GAS2: variants seen among roughly 807,000 people sequenced by gnomAD.
GAS2 encodes the protein growth arrest-specific protein 2.
A neutral mutation model predicts 37.5 loss-of-function variants in GAS2; 20 were observed. That is an observed-to-expected ratio of 0.53 (90% CI 0.37 to 0.77). GAS2 has a LOEUF of 0.77. Among genes scored for constraint, GAS2 ranks in the 30% least tolerant of loss-of-function variants. The pLI, the probability that GAS2 is intolerant of heterozygous loss-of-function variation, is 0.00. For missense variants in GAS2, 336 were observed against 373.4 expected, an observed-to-expected ratio of 0.90 and a Z score of 0.82; for synonymous variants, 144 against 132.2, an observed-to-expected ratio of 1.09 and a Z score of -0.61.
chr11:22,675,088 C>A, intron 2 of GAS2, 74 bp downstream of exon 2: 1 of 1,436,922 alleles, frequency 7.0e-7, no homozygotes, highest in Non-Finnish European at 9.5e-7. Flanking sequence ...TAGTGTCCTT[C>A]ACCTAAGCAT....
intron 4 of GAS2, among the ~76,000 whole-genome samples, chr11:22,730,246 A>G (rs1852407493): frequency 6.6e-6 from 1 of 151,894 alleles, no homozygotes; most frequent in South Asian, 2.1e-4. Flanking sequence ...TTCTTCAATT[A>G]TCTATTAACA....
chr11:22,774,253 C>A (rs1855139225), intron 7 of GAS2, among the ~76,000 whole-genome samples: 1 of 152,202 alleles, frequency 6.6e-6, no homozygotes, highest in Non-Finnish European at 1.5e-5. Context: ...CTCAGCCTCC[C>A]AAAGTCCTGG....
intron 7 of GAS2, among the ~76,000 whole-genome samples, chr11:22,785,944 C>T (rs1450205465): frequency 1.3e-5 from 2 of 152,092 alleles, no homozygotes; most frequent in Non-Finnish European, 2.9e-5. Flanking sequence ...TTATCTGAAA[C>T]AGTTTCTGAA....
chr11:22,731,433 A>T lies in GAS2; in HGVS notation c.409+5000A>T, dbSNP rs113114345. On this transcript the variant is annotated intron_variant, in intron 4 of 7. Coordinates refer to ENST00000454584, the MANE Select transcript of GAS2 (RefSeq NM_001143830.3). ...GCGGTGTAGCATGCAAATGTGTGTG[A>T]TTTGTTTGAGTATAACTTTTAAAAA... 182 of 387,256 alleles carry T rather than the reference A, an allele frequency of 4.7e-4. 2 individuals carry two copies. Among genetic ancestry groups the T allele is most frequent in the African/African-American group, 3.1e-3 (143 of 46,878 alleles). 24.0% of individuals were successfully genotyped at this position (387,256 alleles called of 1,614,324 possible). A position where few individuals can be genotyped will look rare whatever the true frequency, so the allele number is the denominator to read the frequency against.
chr11:22,687,294 T>G (rs189054015), intron 3 of GAS2, among the ~76,000 whole-genome samples: 145 of 152,152 alleles, frequency 9.5e-4, no homozygotes, highest in African/African-American at 3.3e-3. Context: ...AACACTGCAC[T>G]CCAGCCTAGA....
chr11:22,728,573 T>G (rs1394907702), intron 4 of GAS2, among the ~76,000 whole-genome samples: 2 of 151,268 alleles, frequency 1.3e-5, no homozygotes, highest in Non-Finnish European at 1.5e-5. Flanking sequence ...TTGTACAAAT[T>G]TTTAAGTCTA....
At chr11:22,671,988 GA>G (rs5790275) in intron 1 of GAS2, among the ~76,000 whole-genome samples, 94,943 of 151,836 alleles carry the variant, frequency 0.63, 30,879 homozygotes, top group East Asian at 0.82. Context: ...TTTGAAATGT[GA>G]AAAAAAGGAT....
chr11:22,718,290 G>T (rs1032702949), intron 3 of GAS2, among the ~76,000 whole-genome samples: 2 of 151,870 alleles, frequency 1.3e-5, no homozygotes, highest in African/African-American at 2.4e-5. Context: ...GTGTGTATGT[G>T]TATGTTTGTG....
At chr11:22,749,927 G>T (rs748429345) in intron 6 of GAS2, among the ~76,000 whole-genome samples, 1 of 151,976 alleles carries the variant, frequency 6.6e-6, no homozygotes, top group South Asian at 2.1e-4. Context: ...AAGTGACCTT[G>T]GTTGTCTGTT....
At chr11:22,793,680 TAAAAC>T (rs146682164) in intron 7 of GAS2, among the ~76,000 whole-genome samples, 2,363 of 152,186 alleles carry the variant, frequency 0.016, 63 homozygotes, top group African/African-American at 0.055. Context: ...AAGGGGAAGA[TAAAAC>T]AAAGGAAAAG....
At chr11:22,719,017 G>C (rs571208298) in intron 3 of GAS2, among the ~76,000 whole-genome samples, 1 of 151,920 alleles carries the variant, frequency 6.6e-6, no homozygotes, top group Non-Finnish European at 1.5e-5. Flanking sequence ...TCTTTTTGTA[G>C]ACATTTTTTT....
chr11:22,739,297 G>T (rs1031745824), intron 5 of GAS2, among the ~76,000 whole-genome samples: 1 of 151,928 alleles, frequency 6.6e-6, no homozygotes, highest in African/African-American at 2.4e-5. Context: ...GAAGTTGGCC[G>T]GGCGCTGTGG....
intron 4 of GAS2, among the ~76,000 whole-genome samples, chr11:22,732,401 TGATTTATATGGATGCCA>T (rs1852521237): frequency 6.6e-6 from 1 of 151,796 alleles, no homozygotes; most frequent in East Asian, 1.9e-4. Context: ...CTTGTTCAAA[TGATTTATATGGATGCCA>T]TATTCTATTT....
chr11:22,713,430 T>A (rs1462789742), intron 3 of GAS2, among the ~76,000 whole-genome samples: 1 of 152,130 alleles, frequency 6.6e-6, no homozygotes, highest in Non-Finnish European at 1.5e-5. Context: ...TTGGAAAATT[T>A]ATTTGAGGGA....
chr11:22,671,416 A>T (rs1874979), intron 1 of GAS2, among the ~76,000 whole-genome samples: 5,470 of 152,180 alleles, frequency 0.036, 325 homozygotes, highest in African/African-American at 0.12. Context: ...TTTAATAGTT[A>T]CTAAAGTTAC....
intron 1 of GAS2, among the ~76,000 whole-genome samples, chr11:22,656,779 T>G (rs1305583862): frequency 6.6e-6 from 1 of 151,976 alleles, no homozygotes; most frequent in Non-Finnish European, 1.5e-5. Context: ...TGATAGTGTT[T>G]GTCATGATGT....
intron 3 of GAS2, among the ~76,000 whole-genome samples, chr11:22,722,680 T>G (rs577758494): frequency 6.6e-6 from 1 of 152,024 alleles, no homozygotes; most frequent in Admixed American, 6.6e-5. Flanking sequence ...CTTAGTGAAT[T>G]TTGAAGGCCC....
At chr11:22,654,476 G>A (rs1343140690) in intron 1 of GAS2, among the ~76,000 whole-genome samples, 1 of 151,270 alleles carries the variant, frequency 6.6e-6, no homozygotes, top group Non-Finnish European at 1.5e-5. Flanking sequence ...GCTCACTGCA[G>A]CCTTGACCTC....
At chr11:22,628,833 T>C (rs556008076) in intron 1 of GAS2, among the ~76,000 whole-genome samples, 81 of 152,302 alleles carry the variant, frequency 5.3e-4, no homozygotes, top group African/African-American at 1.8e-3. Context: ...CCACTCTGTC[T>C]GCCTTTGCAT....
Sources: gnomAD v4.1 joint callset for allele counts (sites outside exome capture counted in the v4.1 genomes callset) on GRCh38, gnomAD v4.1.1 for gene constraint, MANE v1.5 for transcripts, NCBI Gene and HGNC (gene_info 2026-07-23, HGNC 2026-07-21) for gene names.